Variants in SPIDR observed in about 807,000 individuals in gnomAD.
SPIDR encodes the protein scaffold protein involved in DNA repair, also known as DNA repair-scaffolding protein.
In SPIDR, 93 loss-of-function variants were observed where a neutral mutation model predicts 104.6. The observed-to-expected ratio is 0.89, with a 90% CI of 0.75 to 1.06. SPIDR has a LOEUF of 1.06. SPIDR is among the 50% of genes least tolerant of loss of function. SPIDR has a pLI of 0.00. For synonymous variants in SPIDR, 431 were observed against 416.9 expected (o/e 1.03, Z -0.41); for missense variants, 1,154 against 1,111.2 (o/e 1.04, Z -0.55).
chr8:47,381,589 A>G (rs1185291053), intron 5 of SPIDR, among the ~76,000 whole-genome samples: 4 of 152,206 alleles, frequency 2.6e-5, no homozygotes, highest in Non-Finnish European at 5.9e-5. Context: ...TTGGCATAAC[A>G]CTGCTCTGGG....
intron 1 of SPIDR, among the ~76,000 whole-genome samples, chr8:47,269,664 T>C (rs1191569309): frequency 6.6e-6 from 1 of 152,142 alleles, no homozygotes; most frequent in Non-Finnish European, 1.5e-5. Context: ...TTATTTCTTC[T>C]CCTTGCCATG....
intron 10 of SPIDR, among the ~76,000 whole-genome samples, chr8:47,668,764 A>G (rs1404241289): frequency 1.3e-5 from 2 of 152,236 alleles, no homozygotes; most frequent in Non-Finnish European, 2.9e-5. Context: ...TAATTGATGG[A>G]TTACAAAAGT....
chr8:47,262,140 A>G (rs1297556970), intron 1 of SPIDR, among the ~76,000 whole-genome samples: 2 of 152,204 alleles, frequency 1.3e-5, no homozygotes, highest in Non-Finnish European at 2.9e-5. Context: ...GAAGTTAACT[A>G]TATAGATGAC....
chr8:47,381,944 C>G (rs1184203503), intron 5 of SPIDR, among the ~76,000 whole-genome samples: 1 of 152,200 alleles, frequency 6.6e-6, no homozygotes, highest in Non-Finnish European at 1.5e-5. Flanking sequence ...AGCTGGGTAG[C>G]ATTTAGCTAC....
intron 8 of SPIDR, among the ~76,000 whole-genome samples, chr8:47,584,306 G>A (rs907175797): frequency 6.6e-6 from 1 of 152,162 alleles, no homozygotes; most frequent in Non-Finnish European, 1.5e-5. Flanking sequence ...AGACTTGTGA[G>A]TATATGAGAA....
At chr8:47,412,689 G>A (rs1445320735) in intron 7 of SPIDR, among the ~76,000 whole-genome samples, 2 of 152,172 alleles carry the variant, frequency 1.3e-5, no homozygotes, top group African/African-American at 2.4e-5. Flanking sequence ...TAATTCTACA[G>A]TATGTTATCT....
intron 5 of SPIDR, among the ~76,000 whole-genome samples, chr8:47,321,370 A>G (rs981597876): frequency 2.0e-5 from 3 of 152,280 alleles, no homozygotes; most frequent in African/African-American, 2.4e-5. Flanking sequence ...TAAAACACCT[A>G]GGAATCCAAC....
chr8:47,330,047 GTGTGGA>G (rs2048387931), intron 5 of SPIDR, among the ~76,000 whole-genome samples: 1 of 152,172 alleles, frequency 6.6e-6, no homozygotes, highest in Non-Finnish European at 1.5e-5. Flanking sequence ...ATGTGGACTT[GTGTGGA>G]TTCTTAGGTC....
At chr8:47,390,069 A>G (rs1186520236) in intron 5 of SPIDR, among the ~76,000 whole-genome samples, 4 of 152,168 alleles carry the variant, frequency 2.6e-5, no homozygotes, top group Admixed American at 2.6e-4. Context: ...CTTAAGTAGG[A>G]GAGATAAAAC....
intron 5 of SPIDR, among the ~76,000 whole-genome samples, chr8:47,330,439 T>TA (rs2048470691): frequency 6.6e-6 from 1 of 152,202 alleles, no homozygotes; most frequent in South Asian, 2.1e-4. Flanking sequence ...AACAAATGTA[T>TA]AAAAATATAT....
chr8:47,685,517 A>ATTTTTTTTTTTTTTTTTTTT (rs370526185), intron 11 of SPIDR, among the ~76,000 whole-genome samples: 1 of 130,098 alleles, frequency 7.7e-6, no homozygotes, highest in Non-Finnish European at 1.7e-5. Flanking sequence ...TTATTTATTT[A>ATTTTTTTTTTTTTTTTTTTT]TTTTTTTGAG....
intron 10 of SPIDR, among the ~76,000 whole-genome samples, chr8:47,623,976 A>G (rs1209486232): frequency 1.3e-5 from 2 of 152,230 alleles, no homozygotes; most frequent in East Asian, 1.9e-4. Flanking sequence ...AATTGACCAC[A>G]TAGTTGGAAG....
intron 10 of SPIDR, among the ~76,000 whole-genome samples, chr8:47,629,362 G>A (rs907517156): frequency 1.1e-4 from 16 of 152,180 alleles, no homozygotes; most frequent in Admixed American, 2.0e-4. Flanking sequence ...GGCTTGGCGG[G>A]CCATACCACA....
At chr8:47,500,960 C>T (rs1361385661) in intron 8 of SPIDR, among the ~76,000 whole-genome samples, 3 of 152,154 alleles carry the variant, frequency 2.0e-5, no homozygotes, top group South Asian at 4.1e-4. Context: ...TGTAGATATG[C>T]GGCATTATTT....
chr8:47,518,065 A>G (rs2154379141), intron 8 of SPIDR, among the ~76,000 whole-genome samples: 1 of 152,342 alleles, frequency 6.6e-6, no homozygotes, highest in South Asian at 2.1e-4. Context: ...AAGGTTGTTA[A>G]TACTTTTAAA....
At chr8:47,377,727 C>T (rs1472760891) in intron 5 of SPIDR, among the ~76,000 whole-genome samples, 2 of 151,714 alleles carry the variant, frequency 1.3e-5, no homozygotes, top group Non-Finnish European at 2.9e-5. Flanking sequence ...AGGTTTCAAG[C>T]ATGCAAACAT....
intron 10 of SPIDR, among the ~76,000 whole-genome samples, chr8:47,624,418 A>G (rs2065671665): frequency 6.6e-6 from 1 of 152,224 alleles, no homozygotes. Context: ...GAGACACAAA[A>G]AACCCTTCAA....
chr8:47,382,370 A>G (rs547326826), intron 5 of SPIDR, among the ~76,000 whole-genome samples: 3 of 152,344 alleles, frequency 2.0e-5, no homozygotes, highest in South Asian at 4.1e-4. Flanking sequence ...AAGAGTAGCA[A>G]TTGAATTATA....
chr8:47,410,137 A>T (rs1188419312), intron 7 of SPIDR, among the ~76,000 whole-genome samples: 4 of 151,906 alleles, frequency 2.6e-5, no homozygotes, highest in Non-Finnish European at 5.9e-5. Context: ...TATCAGGATG[A>T]CCTAATATAT....
Sources: allele counts gnomAD v4.1 joint callset (sites outside exome capture counted in the v4.1 genomes callset), GRCh38; gene constraint gnomAD v4.1.1; transcripts MANE v1.5; gene names NCBI Gene and HGNC (gene_info 2026-07-23, HGNC 2026-07-21).